Variants in FHAD1 observed in about 807,000 individuals in gnomAD.
FHAD1 encodes forkhead-associated domain-containing protein 1.
FHAD1 carries 146 observed loss-of-function variants against 191.3 expected under a neutral mutation model. The observed-to-expected ratio is 0.76, with a 90% CI of 0.67 to 0.88. The LOEUF (loss-of-function observed/expected upper bound fraction) is 0.88. Ranked by LOEUF, FHAD1 falls within the 40% of genes least tolerant of loss-of-function variation. The pLI, the probability that FHAD1 is intolerant of heterozygous loss-of-function variation, is 0.00. For missense variants in FHAD1, 1,635 were observed against 1,785.8 expected (o/e 0.92, Z 1.52); for synonymous variants, 616 against 672.3 (o/e 0.92, Z 1.29).
intron 22 of FHAD1, 73 bp from the exon 23 acceptor site, chr1:15,362,569 G>A: frequency 8.0e-7 from 1 of 1,243,050 alleles, no homozygotes; most frequent in Non-Finnish European, 1.2e-6. Flanking sequence ...AGTTGTGAAA[G>A]ACACAGGTGT....
At chr1:15,399,574 A>C (rs900508324), downstream of FHAD1, among the ~76,000 whole-genome samples, 2 of 152,316 alleles carry the variant, frequency 1.3e-5, no homozygotes, top group South Asian at 4.2e-4. Flanking sequence ...TCAAAAAAAA[A>C]ATAAAGTCAG....
chr1:15,329,497 A>C lies in FHAD1; in HGVS notation c.1862A>C (p.Gln621Pro), dbSNP rs1421375874. 2.6e-6 allele frequency: 4 copies of C among 1,551,110 alleles called. No individual in the cohort carries two copies. The African/African-American group carries it at 5.5e-5, about 21-fold the overall frequency. ...CTGTCCTGGCTGGAGGAGGTGGAGC[A>C]GCTCCTCCGGGACCTCGGGATCCTG... ...HALSWLEEVE[Q>P]LLRDLGILPS... The change falls in exon 14 of 34, where the codon CAG (glutamine) becomes CCG (proline). Residue 621 changes from glutamine (Q) to proline (P), a missense_variant. Physicochemically the swap from Gln to Pro is moderately conservative, Grantham distance 76. Transcript: ENST00000688493. The surrounding 1 kb of genome is among the most constrained non-coding windows in gnomAD (Gnocchi z 5.0).
chr1:15,241,243 C>G (rs1459844756), intron 1 of FHAD1, among the ~76,000 whole-genome samples: 1 of 152,194 alleles, frequency 6.6e-6, no homozygotes. Flanking sequence ...ACCACAGCTA[C>G]TTGAAGAGAC....
In FHAD1 at chr1:15,381,160, C is replaced by A; in HGVS notation, c.3802-71C>A. 2 of 975,978 alleles carry A rather than the reference C, an allele frequency of 2.0e-6. No individual in the cohort carries two copies. The highest frequency in any genetic ancestry group is 1.6e-6 in the Non-Finnish European group (1 of 640,102). The allele number at this position is 975,978 out of a possible 1,614,324, so 60.5% of individuals were successfully genotyped here. A position where few individuals can be genotyped will look rare whatever the true frequency, so the allele number is the denominator to read the frequency against. ...AGAAAGTGAATGAAACAGAATTAGA[C>A]ATTGGCCTCCTTAAAGCGGCCACCA... On this transcript the variant is annotated intron_variant, in intron 29 of 33. Transcript: ENST00000688493. This position sits in a 1 kb window ranked among gnomAD's most constrained non-coding sequence, Gnocchi z 4.6.
At position 15,278,475 on chromosome 1, in the gene FHAD1, C is replaced by CTTTTTT. The variant is rs34110532; in HGVS notation, c.300+5957_300+5962dup. Among the ~76,000 whole-genome samples the CTTTTTT allele has an allele frequency of 2.6e-3, 329 of 124,316 alleles. 13 individuals are homozygous for CTTTTTT. The highest frequency in any genetic ancestry group is 0.01 in the African/African-American group (316 of 30,738). 81.6% of individuals were successfully genotyped at this position (124,316 alleles called of 152,430 possible). ...ACGCTTTGAACAGTCTTCATTACCTCTTTTTTTTTTTTTTTTGAGACGGAG... is the reference window on the plus strand; with the variant it reads ...ACGCTTTGAACAGTCTTCATTACCTCTTTTTTTTTTTTTTTTTTTTTTGAGACGGAG... On this transcript the variant is annotated intron_variant, in intron 3 of 33. Transcript: ENST00000688493.
chr1:15,280,379 A>C (rs1660160136), intron 3 of FHAD1, among the ~76,000 whole-genome samples: 1 of 152,152 alleles, frequency 6.6e-6, no homozygotes, highest in Non-Finnish European at 1.5e-5. Flanking sequence ...TTTATATCAA[A>C]GGACATTTTC....
chr1:15,238,377 C>T (rs1172726445), intron 1 of FHAD1, among the ~76,000 whole-genome samples: 1 of 151,926 alleles, frequency 6.6e-6, no homozygotes, highest in African/African-American at 2.4e-5. Context: ...ACTAGACCAA[C>T]AGGGAGGCCT....
chr1:15,301,754 G>A (rs916371616), intron 6 of FHAD1, among the ~76,000 whole-genome samples: 2 of 152,172 alleles, frequency 1.3e-5, no homozygotes, highest in South Asian at 2.1e-4. Context: ...CAGGCCGGGC[G>A]CTGTGGCTCA....
intron 7 of FHAD1, among the ~76,000 whole-genome samples, chr1:15,309,589 C>G (rs143874039): frequency 5.2e-4 from 79 of 152,208 alleles, no homozygotes; most frequent in Non-Finnish European, 7.8e-4. Context: ...GACCTGCGGG[C>G]CACATATGGC....
rs889958989 is a variant in FHAD1, at chr1:15,329,907, A to G, written c.1906+366A>G. On this transcript the variant is annotated intron_variant, in intron 14 of 33. Coordinates refer to ENST00000688493, the MANE Select transcript of FHAD1 (RefSeq NM_001391957.1). This position sits in a 1 kb window ranked among gnomAD's most constrained non-coding sequence, Gnocchi z 5.0. ...ATGCCTCAGTTTCCCTATCTGTAAA[A>G]TGAGGCTAATAGGGAGTACCCACCC... 3.6e-5 allele frequency: 9 copies of G among 247,886 alleles called. No individual in the cohort carries two copies. Among genetic ancestry groups the G allele is most frequent in the Non-Finnish European group, 7.3e-5 (9 of 123,652 alleles). The allele number at this position is 247,886 out of a possible 1,614,324, so 15.4% of individuals were successfully genotyped here.
upstream of FHAD1, among the ~76,000 whole-genome samples, chr1:15,246,543 CG>C (rs945171156): frequency 2.0e-5 from 3 of 147,116 alleles, no homozygotes; most frequent in Non-Finnish European, 4.6e-5. Context: ...AGTCCTGTGC[CG>C]GCTGACAAGC....
intron 20 of FHAD1, among the ~76,000 whole-genome samples, chr1:15,354,238 C>G (rs1222228573): frequency 2.0e-5 from 3 of 152,116 alleles, no homozygotes; most frequent in Non-Finnish European, 4.4e-5. Context: ...AATTCTGACC[C>G]CCTGGGTGGA....
At chr1:15,306,467 A>G (rs552824765) in intron 6 of FHAD1, among the ~76,000 whole-genome samples, 1 of 152,346 alleles carries the variant, frequency 6.6e-6, no homozygotes, top group East Asian at 1.9e-4. Context: ...CCCCAAGGCC[A>G]TGGGGAAAAT....
intron 7 of FHAD1, among the ~76,000 whole-genome samples, chr1:15,309,372 G>A (rs1455998696): frequency 2.0e-5 from 3 of 152,202 alleles, no homozygotes; most frequent in African/African-American, 7.2e-5. Context: ...AGAGAGCCCT[G>A]AGCAGTCAAG....
rs80100534 is a variant in FHAD1 at position 15,266,555 on chromosome 1, A to G, written c.94-5768A>G. Reference sequence around the variant, plus strand: ...ATTAACATCTTCGTTACTATGATACATTTGTTGCAATTGATGAATCAATAT... The same window carrying G: ...ATTAACATCTTCGTTACTATGATACGTTTGTTGCAATTGATGAATCAATAT... On this transcript the variant is annotated intron_variant, in intron 2 of 33. Transcript: ENST00000688493. Among the ~76,000 whole-genome samples, 1,196 of 152,174 alleles carry G rather than the reference A, an allele frequency of 7.9e-3. 18 individuals are homozygous for G. The highest frequency in any genetic ancestry group is 0.027 in the African/African-American group (1,134 of 41,520).
chr1:15,279,923 C>T (rs1659960002), intron 3 of FHAD1, among the ~76,000 whole-genome samples: 1 of 152,190 alleles, frequency 6.6e-6, no homozygotes, highest in South Asian at 2.1e-4. Flanking sequence ...GAAAGCATTC[C>T]TCCTACCTAA....
intron 3 of FHAD1, among the ~76,000 whole-genome samples, chr1:15,274,448 A>G (rs1302906905): frequency 2.0e-5 from 3 of 151,728 alleles, no homozygotes; most frequent in African/African-American, 4.9e-5. Context: ...TCTCTACTGA[A>G]ATACAAAAAA....
At position 15,360,703 on chromosome 1, in the gene FHAD1, G is replaced by A. The variant is rs1432160874; in HGVS notation, c.2962G>A (p.Ala988Thr). 1.3e-6 allele frequency: 2 copies of A among 1,551,162 alleles called. No individual in the cohort carries two copies. Among genetic ancestry groups the A allele is most frequent in the Admixed American group, 3.9e-5 (2 of 50,960 alleles). Residue 988 changes from alanine (A) to threonine (T), a missense_variant and splice_region_variant, in exon 22 of 34, where the codon GCC becomes ACC. Transcript: ENST00000688493. Reference sequence around the variant, plus strand: ...TGCAACATTGAAGGACAATGACCCAGGTAAGTCCGAAGGGAGGCCAAGGAA... The same window carrying A: ...TGCAACATTGAAGGACAATGACCCAAGTAAGTCCGAAGGGAGGCCAAGGAA... The part of the protein sequence containing the change: ...EIATLKDNDP[A>T]PKEERPQDPL...
chr1:15,345,143 C>A lies in FHAD1; in HGVS notation c.2191C>A (p.Arg731=), dbSNP rs1470765285. 1.9e-6 allele frequency: 3 copies of A among 1,551,590 alleles called. No homozygotes were observed. ...AGCGAAAGAGACTTTAGAGGAAGAACGGAAGAGAATGCAAGAACTGGAGAG... is the reference window on the plus strand; with the variant it reads ...AGCGAAAGAGACTTTAGAGGAAGAAAGGAAGAGAATGCAAGAACTGGAGAG... The part of the protein sequence containing the change: ...NRAKETLEEE[R]KRMQELESLL... The change falls in exon 17 of 34, where the codon CGG becomes AGG. Residue 731 remains arginine (R), a synonymous_variant. Transcript: ENST00000688493.
Sources: allele counts gnomAD v4.1 joint callset (sites outside exome capture counted in the v4.1 genomes callset), GRCh38; gene constraint gnomAD v4.1.1; non-coding constraint Gnocchi (gnomAD v3.1); transcripts MANE v1.5; gene names NCBI Gene and HGNC (gene_info 2026-07-23, HGNC 2026-07-21).